The following LARP1 variants were observed in gnomAD, a reference collection of about 807,000 sequenced individuals.
LARP1 encodes the protein La ribonucleoprotein 1, translational regulator, also known as la-related protein 1.
A neutral mutation model predicts 122.7 loss-of-function variants in LARP1; 36 were observed. That is an observed-to-expected ratio of 0.29 (90% CI 0.22 to 0.39). LARP1 has a LOEUF of 0.39. Ranked by LOEUF, LARP1 falls within the 10% of genes least tolerant of loss-of-function variation. LARP1 has a pLI of 1.00. For missense variants in LARP1, 1,040 were observed against 1,403.6 expected (o/e 0.74, Z 4.14); for synonymous variants, 539 against 528.7 (o/e 1.02, Z -0.27).
At chr5:154,714,560 A>G (rs774006148) in intron 1 of LARP1, among the ~76,000 whole-genome samples, 5 of 152,202 alleles carry the variant, frequency 3.3e-5, no homozygotes, top group Non-Finnish European at 7.3e-5. Context: ...CTTGGGCTCA[A>G]ATATATACTG....
intron 1 of LARP1, among the ~76,000 whole-genome samples, chr5:154,690,411 T>A (rs995799913): frequency 3.3e-5 from 5 of 152,214 alleles, no homozygotes; most frequent in African/African-American, 9.6e-5. Flanking sequence ...GGCAAGCCCC[T>A]TACTAAGGCT....
At chr5:154,724,677 T>TC (rs1756086097) in intron 1 of LARP1, among the ~76,000 whole-genome samples, 1 of 151,822 alleles carries the variant, frequency 6.6e-6, no homozygotes, top group Admixed American at 6.6e-5. Context: ...TTTTTTTTTT[T>TC]TTTTTTAGGA....
At position 154,698,394 on chromosome 5, in the gene LARP1, C is replaced by A. The variant is rs138945686; in HGVS notation, c.-180+15357C>A. ...GGTGGATCACCTGAGGTCAGGAGTT[C>A]GAGACCAGCCTGGCCAACATGGTGA... On this transcript the variant is annotated intron_variant, in intron 1 of 18. Coordinates refer to the LARP1 transcript ENST00000687700. Among the ~76,000 whole-genome samples the A allele has an allele frequency of 5.5e-3, 830 of 152,084 alleles. 58 individuals are homozygous for A. In the East Asian group the frequency reaches 0.15, roughly 28 times the overall value.
At position 154,692,054 on chromosome 5, in the gene LARP1, A is replaced by G. The variant is rs770437495; in HGVS notation, c.-180+9017A>G. Among the ~76,000 whole-genome samples the G allele has an allele frequency of 4.1e-4, 62 of 152,290 alleles. No individual in the cohort carries two copies. The Middle Eastern group carries it at 0.01, about 25-fold the overall frequency. On this transcript the variant is annotated intron_variant, in intron 1 of 18. Coordinates refer to the LARP1 transcript ENST00000687700. ...CGATCCACCCGCCTCCGCCGCCCAAAGTGCTGGGAATACAGGCATGAGCCA... is the reference window on the plus strand; with the variant it reads ...CGATCCACCCGCCTCCGCCGCCCAAGGTGCTGGGAATACAGGCATGAGCCA...
chr5:154,732,189 C>CAAAA (rs767228522), intron 1 of LARP1, among the ~76,000 whole-genome samples: 4 of 39,204 alleles, frequency 1.0e-4, no homozygotes, highest in African/African-American at 1.9e-4. Context: ...CAAAACAAAA[C>CAAAA]AAAAAAAAAA....
rs780690848 is a variant in LARP1, at chr5:154,793,948, C to T, written c.1017C>T (p.Gly339=). ...GAGGARASFR[G]RGRGRGRGRG... ...GTGGGGCGCGGGCTTCCTTCCGTGG[C>T]CGTGGACGGGGGCGTGGTCGCGGCC... The change falls in exon 6 of 19, where the codon GGC becomes GGT. Residue 339 remains glycine, a synonymous_variant. Transcript: ENST00000518297. The T allele has an allele frequency of 3.7e-6, 6 of 1,613,316 alleles. No individual in the cohort carries two copies. In the African/African-American group the frequency reaches 8.0e-5, roughly 22 times the overall value.
chr5:154,782,879 C>G (rs971880222), intron 1 of LARP1, among the ~76,000 whole-genome samples: 1 of 152,128 alleles, frequency 6.6e-6, no homozygotes, highest in African/African-American at 2.4e-5. Context: ...GAAGAATGTT[C>G]CTGCTTAGGG....
intron 1 of LARP1, among the ~76,000 whole-genome samples, chr5:154,769,505 G>A (rs78924036): frequency 0.021 from 3,239 of 152,324 alleles, 52 homozygotes; most frequent in South Asian, 0.039. Flanking sequence ...GGTAGGAGTT[G>A]CACTCAATAG....
intron 16 of LARP1, among the ~76,000 whole-genome samples, chr5:154,810,082 C>T (rs1001833314): frequency 2.0e-5 from 3 of 152,018 alleles, no homozygotes; most frequent in African/African-American, 4.8e-5. Flanking sequence ...CATCTCTATT[C>T]GTTGACATTT....
At chr5:154,773,812 C>T (rs190108916) in intron 1 of LARP1, among the ~76,000 whole-genome samples, 18 of 152,334 alleles carry the variant, frequency 1.2e-4, no homozygotes, top group Admixed American at 1.0e-3. Context: ...CAGGCCAGCA[C>T]TGGCCTGTCT....
chr5:154,765,993 G>T (rs1754918342), intron 1 of LARP1, among the ~76,000 whole-genome samples: 1 of 151,524 alleles, frequency 6.6e-6, no homozygotes, highest in African/African-American at 2.4e-5. Flanking sequence ...GAATTCTTTG[G>T]CAGTGTAGCA....
intron 1 of LARP1, among the ~76,000 whole-genome samples, chr5:154,761,961 G>C (rs1754485168): frequency 6.6e-6 from 1 of 152,198 alleles, no homozygotes; most frequent in Non-Finnish European, 1.5e-5. Flanking sequence ...AAAAAGTCCT[G>C]CTGGGCGCGG....
At chr5:154,713,849 G>A (rs1755346178) in intron 1 of LARP1, among the ~76,000 whole-genome samples, 1 of 152,214 alleles carries the variant, frequency 6.6e-6, no homozygotes, top group African/African-American at 2.4e-5. Flanking sequence ...AGCTGGCTGA[G>A]GCTAGGGAAG....
upstream of LARP1, among the ~76,000 whole-genome samples, chr5:154,750,880 C>T (rs1342868952): frequency 6.6e-6 from 1 of 151,420 alleles, no homozygotes; most frequent in Non-Finnish European, 1.5e-5. Flanking sequence ...CCCAAAGTGC[C>T]GGGATTACAG....
chr5:154,709,933 A>C (rs1053644537), upstream of LARP1, among the ~76,000 whole-genome samples: 15 of 152,052 alleles, frequency 9.9e-5, no homozygotes, highest in African/African-American at 3.6e-4. Flanking sequence ...TAGCATCGTC[A>C]CCTCAATTCT....
intron 1 of LARP1, among the ~76,000 whole-genome samples, chr5:154,760,258 G>C (rs960815528): frequency 6.6e-6 from 1 of 152,148 alleles, no homozygotes; most frequent in South Asian, 2.1e-4. Flanking sequence ...AGCTACTTCT[G>C]ATCCTGCTCA....
At position 154,717,119 on chromosome 5, in the gene LARP1, A is replaced by G. The variant is rs369127979; in HGVS notation, c.205+3989A>G. On this transcript the variant is annotated intron_variant, in intron 1 of 18. Transcript: ENST00000336314. ...GAGAGAGAGACAGACTATTTAATAT[A>G]AAAATCTAGAGTCTAACATGTCTTT... Among the ~76,000 whole-genome samples the G allele has an allele frequency of 1.8e-4, 27 of 152,256 alleles. 1 individual carries two copies. The highest frequency in any genetic ancestry group is 6.5e-4 in the African/African-American group (27 of 41,560).
intron 1 of LARP1, among the ~76,000 whole-genome samples, chr5:154,768,798 T>C (rs1582346948): frequency 6.6e-6 from 1 of 152,212 alleles, no homozygotes; most frequent in Non-Finnish European, 1.5e-5. Flanking sequence ...GCCAGGCTGG[T>C]CTTGGAACTT....
intron 1 of LARP1, among the ~76,000 whole-genome samples, chr5:154,701,831 C>A (rs1754737949): frequency 6.6e-6 from 1 of 152,012 alleles, no homozygotes; most frequent in South Asian, 2.1e-4. Context: ...CTATGTTGGC[C>A]AGGCTGGTCT....
Sources: gnomAD v4.1 joint callset for allele counts (sites outside exome capture counted in the v4.1 genomes callset) on GRCh38, gnomAD v4.1.1 for gene constraint, MANE v1.5 for transcripts, NCBI Gene and HGNC (gene_info 2026-07-23, HGNC 2026-07-21) for gene names.